The following OR52N4 variants were observed in gnomAD, a reference collection of about 807,000 sequenced individuals.
OR52N4 encodes the protein olfactory receptor 52N4.
In OR52N4, 15 loss-of-function variants were observed where a neutral mutation model predicts 15.0. That is an observed-to-expected ratio of 1.00 (90% CI 0.67 to 1.54). The LOEUF (loss-of-function observed/expected upper bound fraction) is 1.54. OR52N4 is among the 40% of genes most tolerant of loss of function. The pLI, the probability that OR52N4 is intolerant of heterozygous loss-of-function variation, is 0.00. For missense variants in OR52N4, 421 were observed against 394.0 expected (o/e 1.07, Z -0.58); for synonymous variants, 143 against 143.7 (o/e 1.00, Z 0.03).
the OR52N4 span, among the ~76,000 whole-genome samples, chr11:5,742,764 A>T: frequency 1.3e-5 from 2 of 152,156 alleles, no homozygotes; most frequent in African/African-American, 4.8e-5. Flanking sequence ...TAAAAGGGTG[A>T]TACTTGCGAC....
chr11:5,730,114 C>T, the OR52N4 span, among the ~76,000 whole-genome samples: 1 of 151,456 alleles, frequency 6.6e-6, no homozygotes, highest in Non-Finnish European at 1.5e-5. Flanking sequence ...CTATTCTTTT[C>T]TTATATTACA....
the OR52N4 span, among the ~76,000 whole-genome samples, chr11:5,744,898 A>G: frequency 6.6e-6 from 1 of 152,130 alleles, no homozygotes; most frequent in Non-Finnish European, 1.5e-5. Flanking sequence ...TCCAGCCTGC[A>G]CAACAGAGTG....
chr11:5,737,042 G>A, the OR52N4 span: 2 of 1,614,130 alleles, frequency 1.2e-6, no homozygotes, highest in Non-Finnish European at 1.7e-6. Flanking sequence ...AGCACAGCGT[G>A]ATTATTGCTC....
At chr11:5,737,647 C>A in the OR52N4 span, 3 of 629,382 alleles carry the variant, frequency 4.8e-6, no homozygotes. Context: ...CAAAAAATCA[C>A]AGTAGCCTAA....
At chr11:5,731,660 T>C in the OR52N4 span, among the ~76,000 whole-genome samples, 1 of 152,138 alleles carries the variant, frequency 6.6e-6, no homozygotes, top group Non-Finnish European at 1.5e-5. Flanking sequence ...TTTTCTAAGG[T>C]TAATTGACAG....
chr11:5,741,351 C>T, the OR52N4 span, among the ~76,000 whole-genome samples: 3 of 152,194 alleles, frequency 2.0e-5, no homozygotes, highest in African/African-American at 7.2e-5. Context: ...ACACCCTGGT[C>T]AGAATTCCTG....
upstream of OR52N4, among the ~76,000 whole-genome samples, chr11:5,751,505 G>C (rs1590343047): frequency 6.6e-6 from 1 of 151,446 alleles, no homozygotes; most frequent in Non-Finnish European, 1.5e-5. Context: ...TATTAGGTTG[G>C]TGCAAAAGGA....
At chr11:5,734,229 A>G in the OR52N4 span, 1 of 455,830 alleles carries the variant, frequency 2.2e-6, no homozygotes, top group East Asian at 7.0e-5. Flanking sequence ...CTGTGTTCAT[A>G]AGCAAGGTAA....
In OR52N4 at chr11:5,755,157, C is replaced by A. The variant is rs748092510; in HGVS notation, c.417C>A (p.Thr139=). 6 of 1,613,924 alleles carry A rather than the reference C, an allele frequency of 3.7e-6. No individual in the cohort carries two copies. The highest frequency in any genetic ancestry group is 4.2e-6 in the Non-Finnish European group (5 of 1,179,974). ...CYPLRYSTIL[T]NPVIAKVGTA... ...CCTTACGCTATTCAACTATCCTCAC[C>A]AATCCTGTAATTGCAAAGGTTGGGA... The change falls in exon 2 of 2, where the codon ACC becomes ACA. Residue 139 remains threonine (T), a synonymous_variant. Coordinates refer to ENST00000641350, the MANE Select transcript of OR52N4 (RefSeq NM_001005175.5).
At chr11:5,747,231 G>A in the OR52N4 span, among the ~76,000 whole-genome samples, 37 of 152,048 alleles carry the variant, frequency 2.4e-4, no homozygotes, top group African/African-American at 7.5e-4. Context: ...TTGGAATTCC[G>A]AGGGGAAGGA....
At chr11:5,736,485 T>C in the OR52N4 span, 2 of 1,605,110 alleles carry the variant, frequency 1.2e-6, no homozygotes, top group Admixed American at 1.7e-5. Context: ...CTGAGAACAA[T>C]ACAAATAGAG....
At position 5,755,227 on chromosome 11, in the gene OR52N4, T is replaced by C. The variant is rs1564958885; in HGVS notation, c.487T>C (p.Phe163Leu). ...RGVLLIIPFT[F>L]LTKLLPYCRG... ...GGTATTACTCATTATTCCCTTTACTTTCCTCACCAAGCTCCTGCCCTACTG... is the reference window on the plus strand; with the variant it reads ...GGTATTACTCATTATTCCCTTTACTCTCCTCACCAAGCTCCTGCCCTACTG... The change falls in exon 2 of 2, where the codon TTC (phenylalanine) becomes CTC (leucine). Residue 163 changes from phenylalanine (F) to leucine (L), a missense_variant. Phe to Leu is a conservative substitution (Grantham distance 22). Transcript: ENST00000641350. The C allele has an allele frequency of 3.7e-6, 6 of 1,613,984 alleles. No homozygotes were observed. The highest frequency in any genetic ancestry group is 4.2e-6 in the Non-Finnish European group (5 of 1,179,942).
chr11:5,742,631 G>A, the OR52N4 span, among the ~76,000 whole-genome samples: 138 of 152,214 alleles, frequency 9.1e-4, 1 homozygote, highest in South Asian at 0.028. Flanking sequence ...TTTGTGTTCT[G>A]CTAAATTGAG....
At chr11:5,744,152 A>G in the OR52N4 span, among the ~76,000 whole-genome samples, 1 of 152,176 alleles carries the variant, frequency 6.6e-6, no homozygotes, top group Non-Finnish European at 1.5e-5. Flanking sequence ...TTAACATACA[A>G]CCTCCTAAGA....
upstream of OR52N4, among the ~76,000 whole-genome samples, chr11:5,753,489 C>G (rs192520345): frequency 3.5e-3 from 528 of 152,024 alleles, 3 homozygotes; most frequent in African/African-American, 0.012. Context: ...TGTTGAAGTA[C>G]TTTATATATT....
At chr11:5,737,303 A>G in the OR52N4 span, 1 of 1,614,002 alleles carries the variant, frequency 6.2e-7, no homozygotes, top group South Asian at 1.1e-5. Flanking sequence ...CTTTTACACT[A>G]TTGTTGTAGT....
At chr11:5,736,995 G>A in the OR52N4 span, 1 of 1,614,106 alleles carries the variant, frequency 6.2e-7, no homozygotes, top group Non-Finnish European at 8.5e-7. Context: ...ATGGTGCTGA[G>A]AAATGGCTTA....
chr11:5,745,776 A>G, the OR52N4 span, among the ~76,000 whole-genome samples: 1 of 152,320 alleles, frequency 6.6e-6, no homozygotes, highest in South Asian at 2.1e-4. Flanking sequence ...TGGAAGCATC[A>G]CATTACCTGA....
At chr11:5,742,050 T>C in the OR52N4 span, among the ~76,000 whole-genome samples, 2 of 151,686 alleles carry the variant, frequency 1.3e-5, no homozygotes, top group African/African-American at 2.4e-5. Flanking sequence ...AGCAGAATAG[T>C]ACATTTCAGA....
Sources: allele counts gnomAD v4.1 joint callset (sites outside exome capture counted in the v4.1 genomes callset), GRCh38; gene constraint gnomAD v4.1.1; transcripts MANE v1.5; gene names NCBI Gene and HGNC (gene_info 2026-07-23, HGNC 2026-07-21).